DDI2: variants seen among roughly 807,000 people sequenced by gnomAD.
DDI2 encodes DDI proteasomal shuttling factor 2.
DDI2 carries 5 observed loss-of-function variants against 48.1 expected under a neutral mutation model. That is an observed-to-expected ratio of 0.10 (90% CI 0.05 to 0.22). DDI2 has a LOEUF of 0.22. DDI2 is among the 10% of genes least tolerant of loss of function. DDI2 has a pLI of 1.00. For missense variants in DDI2, 285 were observed against 506.2 expected, an observed-to-expected ratio of 0.56 and a Z score of 4.19; for synonymous variants, 205 against 183.6, an observed-to-expected ratio of 1.12 and a Z score of -0.94.
At chr1:15,621,190 A>G (rs1331762370) in intron 1 of DDI2, among the ~76,000 whole-genome samples, 1 of 152,150 alleles carries the variant, frequency 6.6e-6, no homozygotes, top group East Asian at 1.9e-4. Flanking sequence ...GTGAACTTCA[A>G]ACAGTTATCA....
intron 4 of DDI2, 57 bp downstream of exon 4, chr1:15,633,622 C>T (rs1175517842): frequency 1.3e-6 from 2 of 1,594,502 alleles, no homozygotes; most frequent in Non-Finnish European, 1.7e-6. Flanking sequence ...TCCCAGACTG[C>T]AGGTTATCTG....
rs140092977 is a variant in DDI2, at chr1:15,630,379, G to A, written c.323G>A (p.Arg108Gln). The change falls in exon 3 of 10, where the codon CGG (arginine) becomes CAG (glutamine). Residue 108 changes from arginine to glutamine, a missense_variant. By Grantham distance (43) the Arg-to-Gln change is conservative. Around this residue, in one of 3 missense-constraint regions of DDI2, gnomAD observed 149 missense variants for 236.5 expected, o/e 0.63. Coordinates refer to ENST00000480945, the MANE Select transcript of DDI2 (RefSeq NM_032341.5). ...GCTGTGCCTGGCACATCAAGTCCCC[G>A]GCAGCGCCAGCCACCAGGAACACAG... ...SIAVPGTSSP[R>Q]QRQPPGTQQS... 94 of 1,614,030 alleles carry A rather than the reference G, an allele frequency of 5.8e-5. No homozygotes were observed. The highest frequency in any genetic ancestry group is 7.6e-5 in the Non-Finnish European group (90 of 1,180,044).
chr1:15,658,057 A>G (rs1640297495), intron 9 of DDI2, among the ~76,000 whole-genome samples: 1 of 152,254 alleles, frequency 6.6e-6, no homozygotes, highest in Admixed American at 6.5e-5. Context: ...GGATGTTAAC[A>G]TTTAGTACTG....
intron 2 of DDI2, among the ~76,000 whole-genome samples, chr1:15,628,148 T>C (rs1639787134): frequency 6.6e-6 from 1 of 152,076 alleles, no homozygotes; most frequent in South Asian, 2.1e-4. Flanking sequence ...TAAGTAAACA[T>C]GTTTTTGAGA....
intron 6 of DDI2, among the ~76,000 whole-genome samples, chr1:15,645,736 G>T (rs1426320656): frequency 6.6e-6 from 1 of 152,114 alleles, no homozygotes; most frequent in Non-Finnish European, 1.5e-5. Context: ...CGGGTGTGGT[G>T]GCAAGTGCCG....
chr1:15,640,810 A>G (rs1307352659), intron 5 of DDI2, among the ~76,000 whole-genome samples: 1 of 152,150 alleles, frequency 6.6e-6, no homozygotes, highest in Non-Finnish European at 1.5e-5. Flanking sequence ...TATAAAGTGT[A>G]GGGTACCTGT....
At chr1:15,655,424 G>C (rs1426046029) in intron 8 of DDI2, among the ~76,000 whole-genome samples, 2 of 150,638 alleles carry the variant, frequency 1.3e-5, no homozygotes, top group African/African-American at 2.5e-5. Flanking sequence ...TTTGAGACCA[G>C]CCTGGGCAGC....
At position 15,617,946 on chromosome 1, in the gene DDI2, C is replaced by T. The variant is rs1557609607; in HGVS notation, c.138+138C>T. On this transcript the variant is annotated intron_variant, in intron 1 of 9. Transcript: ENST00000480945. ...AGCCATTCTCAGGTCACCCCCGCATCCGGAAAGGAGCTGGGGAGCTGGCAT... is the reference window on the plus strand; with the variant it reads ...AGCCATTCTCAGGTCACCCCCGCATTCGGAAAGGAGCTGGGGAGCTGGCAT... 3.8e-6 allele frequency: 5 copies of T among 1,306,634 alleles called. No homozygotes were observed. In the South Asian group the frequency reaches 6.6e-5, roughly 17 times the overall value. 80.9% of individuals were successfully genotyped at this position (1,306,634 alleles called of 1,614,324 possible).
chr1:15,626,944 C>A, intron 2 of DDI2, 146 bp downstream of exon 2: 1 of 1,043,754 alleles, frequency 9.6e-7, no homozygotes, highest in Non-Finnish European at 1.4e-6. Context: ...TAACCTTGAA[C>A]AAGTATTTTA....
chr1:15,652,014 G>T, intron 8 of DDI2, 119 bp downstream of exon 8: 1 of 635,366 alleles, frequency 1.6e-6, no homozygotes, highest in Non-Finnish European at 2.2e-6. Context: ...TCCAGTAGTA[G>T]ATGTGTTCAT....
chr1:15,631,393 G>A (rs1335025116), intron 3 of DDI2, among the ~76,000 whole-genome samples: 1 of 152,248 alleles, frequency 6.6e-6, no homozygotes, highest in Non-Finnish European at 1.5e-5. Context: ...TGGGATTACA[G>A]GCATGAGCAG....
At chr1:15,638,161 C>T (rs946219806) in intron 4 of DDI2, 146 bp from the exon 5 acceptor site, 22 of 1,036,112 alleles carry the variant, frequency 2.1e-5, no homozygotes, top group Non-Finnish European at 2.8e-5. Context: ...TCTCTTGCCC[C>T]ATATAGCACC....
rs777821777 is a variant in DDI2 at position 15,623,387 on chromosome 1, C to CTTT, written c.139-3262_139-3260dup. On this transcript the variant is annotated intron_variant, in intron 1 of 9. Coordinates refer to ENST00000480945, the MANE Select transcript of DDI2 (RefSeq NM_032341.5). ...CAGTTCCAATTGCAGTTTTCTTCTT[C>CTTT]TTTTTTTTTTTTTTTTTTTTTTAAG... 3.9e-3 allele frequency among the ~76,000 whole-genome samples: 423 copies of CTTT among 107,436 alleles called. 11 individuals carry two copies. The highest frequency in any genetic ancestry group is 0.012 in the African/African-American group (329 of 26,584). 70.5% of individuals were successfully genotyped at this position (107,436 alleles called of 152,430 possible). A position where few individuals can be genotyped will look rare whatever the true frequency, so the allele number is the denominator to read the frequency against.
chr1:15,660,090 A>C lies in DDI2; in HGVS notation c.*300A>C. The C allele has an allele frequency of 6.2e-7, 1 of 1,614,066 alleles. No individual in the cohort carries two copies. Among genetic ancestry groups the C allele is most frequent in the Non-Finnish European group, 8.5e-7 (1 of 1,179,986 alleles). On this transcript the variant is annotated 3_prime_UTR_variant, in exon 10 of 10. Transcript: ENST00000480945. ...CTGAAAAGAAAGAACATCTTTCTTT[A>C]CAAGATCTTTCTGATCATGCTTCCT...
chr1:15,622,382 G>A (rs1226692547), intron 1 of DDI2, among the ~76,000 whole-genome samples: 2 of 152,004 alleles, frequency 1.3e-5, no homozygotes, highest in Non-Finnish European at 1.5e-5. Context: ...TTAATAGAAG[G>A]CTCTCATTCA....
intron 8 of DDI2, among the ~76,000 whole-genome samples, chr1:15,655,338 G>A (rs1640254518): frequency 6.6e-6 from 1 of 152,040 alleles, no homozygotes; most frequent in Admixed American, 6.6e-5. Flanking sequence ...CTTCTTTCTG[G>A]CCAAGCATGG....
At chr1:15,649,677 T>C (rs1640148713) in intron 6 of DDI2, 43 bp from the exon 7 acceptor site, 1 of 1,585,188 alleles carries the variant, frequency 6.3e-7, no homozygotes, top group Non-Finnish European at 8.6e-7. Flanking sequence ...GTCTCTGTTT[T>C]GAAGTACGTA....
intron 8 of DDI2, among the ~76,000 whole-genome samples, chr1:15,652,244 G>C (rs1640197529): frequency 6.6e-6 from 1 of 151,360 alleles, no homozygotes; most frequent in African/African-American, 2.4e-5. Flanking sequence ...TTTTAGCAGA[G>C]ATAGGGTCTT....
intron 1 of DDI2, 130 bp downstream of exon 1, chr1:15,617,938 C>T (rs1044860654): frequency 7.6e-7 from 1 of 1,315,880 alleles, no homozygotes; most frequent in South Asian, 1.7e-5. Flanking sequence ...CTCAGGTCAC[C>T]CCCGCATCCG....
Sources: gnomAD v4.1 joint callset for allele counts (sites outside exome capture counted in the v4.1 genomes callset) on GRCh38, gnomAD v4.1.1 for gene constraint, gnomAD v4.1.1 regional missense constraint, MANE v1.5 for transcripts, NCBI Gene and HGNC (gene_info 2026-07-23, HGNC 2026-07-21) for gene names.